Variants in GNB4 observed in about 807,000 individuals in gnomAD.
GNB4 encodes G protein subunit beta 4.
Under a neutral mutation model 45.2 loss-of-function variants are expected in GNB4, and 28 were observed. That is an observed-to-expected ratio of 0.62 (90% CI 0.46 to 0.85). The LOEUF is 0.85. Among genes scored for constraint, GNB4 ranks in the 40% least tolerant of loss-of-function variants. The pLI, the probability that GNB4 is intolerant of heterozygous loss-of-function variation, is 0.00. For synonymous variants in GNB4, 132 were observed against 143.7 expected (o/e 0.92, Z 0.58); for missense variants, 321 against 425.4 (o/e 0.75, Z 2.16).
the GNB4 span, among the ~76,000 whole-genome samples, chr3:179,525,969 G>A: frequency 1.3e-4 from 20 of 152,200 alleles, no homozygotes; most frequent in Admixed American, 5.9e-4. Context: ...TGTCACACGC[G>A]TCTGTGTGAA....
chr3:179,464,406 T>TGG, the GNB4 span: 3 of 1,318,386 alleles, frequency 2.3e-6, no homozygotes, highest in East Asian at 7.0e-5. Context: ...CGTGCACAGC[T>TGG]GCTCCCTCTG....
At chr3:179,461,815 T>C in the GNB4 span, among the ~76,000 whole-genome samples, 1 of 152,234 alleles carries the variant, frequency 6.6e-6, no homozygotes, top group African/African-American at 2.4e-5. Flanking sequence ...GTGTAAAAAG[T>C]TACTGTGTAA....
At chr3:179,484,836 A>ATGTG in the GNB4 span, among the ~76,000 whole-genome samples, 40,952 of 146,884 alleles carry the variant, frequency 0.28, 6,310 homozygotes, top group South Asian at 0.38. Flanking sequence ...AGCTATATAT[A>ATGTG]TGTGTGTGTG....
At chr3:179,420,317 T>C (rs948403002) in intron 3 of GNB4, among the ~76,000 whole-genome samples, 3 of 149,688 alleles carry the variant, frequency 2.0e-5, no homozygotes, top group African/African-American at 7.3e-5. Context: ...TTTTTTTTTT[T>C]CTAGTAGAGA....
chr3:179,453,841 T>G (rs573151690), upstream of GNB4, among the ~76,000 whole-genome samples: 146 of 146,576 alleles, frequency 1.0e-3, no homozygotes, highest in Admixed American at 1.7e-3. Flanking sequence ...CTGCTCCATA[T>G]TGTTCTGGAA....
chr3:179,407,088 A>T (rs999017005), intron 8 of GNB4, among the ~76,000 whole-genome samples: 6 of 152,252 alleles, frequency 3.9e-5, no homozygotes, highest in Admixed American at 1.3e-4. Context: ...AACTAAAAAC[A>T]ACTGGACAAA....
chr3:179,514,192 C>T, the GNB4 span, among the ~76,000 whole-genome samples: 3 of 152,074 alleles, frequency 2.0e-5, no homozygotes, highest in Non-Finnish European at 2.9e-5. Flanking sequence ...TCCATCAGGG[C>T]GGACTAGGAC....
intron 2 of GNB4, among the ~76,000 whole-genome samples, chr3:179,425,213 T>C (rs1715106579): frequency 6.6e-6 from 1 of 152,212 alleles, no homozygotes; most frequent in African/African-American, 2.4e-5. Context: ...AGGAAGCATC[T>C]GTTCCCATTG....
the GNB4 span, among the ~76,000 whole-genome samples, chr3:179,507,812 G>A: frequency 3.9e-5 from 6 of 152,144 alleles, no homozygotes; most frequent in Middle Eastern, 3.4e-3. Flanking sequence ...AATTATTCTC[G>A]CGTCTTCTCC....
chr3:179,423,874 A>T (rs1040352007), intron 2 of GNB4, among the ~76,000 whole-genome samples: 3 of 152,184 alleles, frequency 2.0e-5, no homozygotes, highest in African/African-American at 4.8e-5. Context: ...AAATTGGCTC[A>T]GAAGTCGTAT....
At chr3:179,496,380 CA>C in the GNB4 span, among the ~76,000 whole-genome samples, 2 of 151,318 alleles carry the variant, frequency 1.3e-5, no homozygotes, top group African/African-American at 4.9e-5. Flanking sequence ...GAAAACAAGC[CA>C]AAAAAACAAC....
rs555384811 is a variant in GNB4, at chr3:179,398,523, TAAAAAAA to T, written c.*2683_*2689del. The T allele has an allele frequency of 1.4e-5, 2 of 139,630 alleles. No homozygotes were observed. The highest frequency in any genetic ancestry group is 3.2e-5 in the Non-Finnish European group (2 of 63,452). The allele number at this position is 139,630 out of a possible 1,614,324, so 8.6% of individuals were successfully genotyped here. A position where few individuals can be genotyped will look rare whatever the true frequency, so the allele number is the denominator to read the frequency against. The stretch of plus-strand genomic sequence containing the variant: ...GGGTGACAGAGTGAGACTCTGTCTT[TAAAAAAA>T]AAAAAAAAGGAACATTAACTGCAAT... On this transcript the variant is annotated 3_prime_UTR_variant, in exon 10 of 10. Coordinates refer to ENST00000232564, the MANE Select transcript of GNB4 (RefSeq NM_021629.4).
rs534178543 is a variant in GNB4, at chr3:179,399,738, T to C, written c.*1475A>G. ...GGGAGTATTTAGGTTAAGTTACACATGTTCAAAAGTTAACACAGACCTATC... is the reference window on the plus strand; with the variant it reads ...GGGAGTATTTAGGTTAAGTTACACACGTTCAAAAGTTAACACAGACCTATC... On this transcript the variant is annotated 3_prime_UTR_variant, in exon 10 of 10. Transcript: ENST00000232564. 6.6e-6 allele frequency: 1 copy of C among 152,328 alleles called. No homozygotes were observed. Among genetic ancestry groups the C allele is most frequent in the Admixed American group, 6.5e-5 (1 of 15,296 alleles). 9.4% of individuals were successfully genotyped at this position (152,328 alleles called of 1,614,324 possible). A position where few individuals can be genotyped will look rare whatever the true frequency, so the allele number is the denominator to read the frequency against.
the GNB4 span, chr3:179,465,133 T>C: frequency 4.5e-6 from 6 of 1,326,546 alleles, no homozygotes; most frequent in Non-Finnish European, 6.5e-6. Flanking sequence ...TCACAGCAGA[T>C]ATGATCAAGG....
chr3:179,471,406 A>G, the GNB4 span, among the ~76,000 whole-genome samples: 1 of 152,154 alleles, frequency 6.6e-6, no homozygotes, highest in Non-Finnish European at 1.5e-5. Context: ...ATACATGTAT[A>G]CCATTTTTAA....
the GNB4 span, among the ~76,000 whole-genome samples, chr3:179,525,681 C>T: frequency 5.9e-5 from 9 of 152,286 alleles, no homozygotes; most frequent in Non-Finnish European, 1.0e-4. Flanking sequence ...CCATGACCAG[C>T]GCCGGAGTTT....
At chr3:179,476,252 A>G in the GNB4 span, among the ~76,000 whole-genome samples, 1 of 152,268 alleles carries the variant, frequency 6.6e-6, no homozygotes, top group Non-Finnish European at 1.5e-5. Flanking sequence ...CAGAAAATCT[A>G]AAACTTAACA....
At chr3:179,463,011 C>T in the GNB4 span, among the ~76,000 whole-genome samples, 1 of 152,064 alleles carries the variant, frequency 6.6e-6, no homozygotes. Flanking sequence ...AAAGATTGAA[C>T]TGAAAATCTA....
At chr3:179,431,216 A>C (rs1559978123) in intron 1 of GNB4, among the ~76,000 whole-genome samples, 1 of 152,134 alleles carries the variant, frequency 6.6e-6, no homozygotes, top group East Asian at 1.9e-4. Flanking sequence ...AGAAGTATCC[A>C]TCTCCTGCCT....
Sources: allele counts gnomAD v4.1 joint callset (sites outside exome capture counted in the v4.1 genomes callset), GRCh38; gene constraint gnomAD v4.1.1; transcripts MANE v1.5; gene names NCBI Gene and HGNC (gene_info 2026-07-23, HGNC 2026-07-21).